The following SRGAP3 variants were observed in gnomAD, a reference collection of about 807,000 sequenced individuals.
The protein encoded by SRGAP3 is SLIT-ROBO Rho GTPase activating protein 3.
SRGAP3 carries 39 observed loss-of-function variants against 121.1 expected under a neutral mutation model. The ratio of observed to expected loss-of-function variants is 0.32; its 90% CI spans 0.25 to 0.42. SRGAP3 has a LOEUF of 0.42. Ranked by LOEUF, SRGAP3 falls within the 10% of genes least tolerant of loss-of-function variation. The pLI is 1.00. For synonymous variants in SRGAP3, 601 were observed against 570.0 expected (o/e 1.05, Z -0.77); for missense variants, 1,213 against 1,470.6 (o/e 0.82, Z 2.86).
chr3:9,350,732 C>G (rs1226057486), intron 1 of SRGAP3, among the ~76,000 whole-genome samples: 1 of 152,266 alleles, frequency 6.6e-6, no homozygotes, highest in African/African-American at 2.4e-5. Flanking sequence ...ACATGTAACT[C>G]TTCTTTCTTC....
rs76957770 is a variant in SRGAP3 at position 8,982,841 on chromosome 3, GA to G, written c.*2677del. On this transcript the variant is annotated 3_prime_UTR_variant, in exon 22 of 22. Coordinates refer to ENST00000383836, the MANE Select transcript of SRGAP3 (RefSeq NM_014850.4). ...TGAACTCATCAGCCATTTCCCAATG[GA>G]AAAAAAAAAAAAAGGTGCTTAAAGA... 0.37 allele frequency: 70,854 copies of G among 192,514 alleles called. 8,662 individuals carry two copies. Among genetic ancestry groups the G allele is most frequent in the East Asian group, 0.43 (5,408 of 12,618 alleles). 11.9% of individuals were successfully genotyped at this position (192,514 alleles called of 1,614,324 possible).
chr3:9,175,791 G>C (rs1489214307), intron 1 of SRGAP3, among the ~76,000 whole-genome samples: 1 of 152,188 alleles, frequency 6.6e-6, no homozygotes, highest in South Asian at 2.1e-4. Flanking sequence ...GCTTCTACAT[G>C]TTTAGAGAGA....
chr3:9,197,406 C>G (rs1286989802), intron 1 of SRGAP3, among the ~76,000 whole-genome samples: 2 of 152,234 alleles, frequency 1.3e-5, no homozygotes, highest in Admixed American at 1.3e-4. Flanking sequence ...CTGTGGATCT[C>G]CAGCCTCCTT....
intron 1 of SRGAP3, among the ~76,000 whole-genome samples, chr3:9,358,844 G>A (rs1298223149): frequency 6.6e-6 from 1 of 152,182 alleles, no homozygotes; most frequent in Non-Finnish European, 1.5e-5. Flanking sequence ...TAGGGCAAGG[G>A]ATAGGGGAAA....
intron 1 of SRGAP3, among the ~76,000 whole-genome samples, chr3:9,145,205 C>T (rs1949984195): frequency 6.6e-6 from 1 of 152,216 alleles, no homozygotes; most frequent in Non-Finnish European, 1.5e-5. Flanking sequence ...AAGCGATTCT[C>T]CTACCTCAGC....
chr3:9,331,273 C>A (rs1010801328), intron 1 of SRGAP3, among the ~76,000 whole-genome samples: 2 of 152,184 alleles, frequency 1.3e-5, no homozygotes, highest in Non-Finnish European at 2.9e-5. Flanking sequence ...AAAGCACTTT[C>A]CACACATTCC....
chr3:9,154,406 A>G (rs1030676589), intron 1 of SRGAP3, among the ~76,000 whole-genome samples: 1 of 151,954 alleles, frequency 6.6e-6, no homozygotes, highest in Non-Finnish European at 1.5e-5. Flanking sequence ...AGACTCAAAT[A>G]TCTCAGCCCC....
intron 1 of SRGAP3, among the ~76,000 whole-genome samples, chr3:9,236,586 C>A (rs4485703): frequency 1.4e-4 from 22 of 151,960 alleles, no homozygotes; most frequent in African/African-American, 3.1e-4. Context: ...ACTTCCCCCC[C>A]CCTCTTCTTC....
rs773518829 is a variant in SRGAP3 at position 9,056,216 on chromosome 3, C to T, written c.1125+17G>A. 6.2e-7 allele frequency: 1 copy of T among 1,612,080 alleles called. No homozygotes were observed. ...CTTCCAAAGAAAATCCCTTATAGGG[C>T]AGAGGGGCTCACTCACCTCCTCATT... On this transcript the variant is annotated intron_variant, in intron 8 of 21. Coordinates refer to ENST00000383836, the MANE Select transcript of SRGAP3 (RefSeq NM_014850.4).
chr3:9,178,086 G>A (rs1951244200), intron 1 of SRGAP3, among the ~76,000 whole-genome samples: 1 of 152,086 alleles, frequency 6.6e-6, no homozygotes, highest in African/African-American at 2.4e-5. Context: ...TAGGAAACAT[G>A]GTGAAACCCT....
chr3:9,081,057 T>G (rs1290726667), intron 3 of SRGAP3, among the ~76,000 whole-genome samples: 1 of 152,174 alleles, frequency 6.6e-6, no homozygotes, highest in East Asian at 1.9e-4. Flanking sequence ...GCAAAAAAGG[T>G]TGGGGACCAC....
At position 8,985,763 on chromosome 3, in the gene SRGAP3, C is replaced by T. The variant is rs754839669; in HGVS notation, c.3056G>A (p.Arg1019His). The part of the protein sequence containing the change: ...PASPLHTIVI[R>H]DPDAAMRRSS... ...GCGGCGCATGGCGGCATCGGGGTCG[C>T]GGATGACGATGGTGTGAAGGGGACT... Residue 1019 changes from arginine to histidine, a missense_variant, in exon 22 of 22, where the codon CGC becomes CAC. Transcript: ENST00000383836. This position sits in a 1 kb window ranked among gnomAD's most constrained non-coding sequence, Gnocchi z 5.1. 3 of 1,599,530 alleles carry T rather than the reference C, an allele frequency of 1.9e-6. No individual in the cohort carries two copies. The highest frequency in any genetic ancestry group is 2.5e-6 in the Non-Finnish European group (3 of 1,179,736).
rs144629139 is a variant in SRGAP3 at position 9,026,249 on chromosome 3, C to T, written c.1600+686G>A. Among the ~76,000 whole-genome samples, 326 of 152,358 alleles carry T rather than the reference C, an allele frequency of 2.1e-3. 1 individual carries two copies. Among genetic ancestry groups the T allele is most frequent in the African/African-American group, 7.6e-3 (315 of 41,574 alleles). ...CTCTCCTTTCCAGCCATTCTCTATC[C>T]TCTTTAAATTAGTTTCATGGCATTT... On this transcript the variant is annotated intron_variant, in intron 13 of 21. Transcript: ENST00000383836.
chr3:9,069,467 C>G (rs1466540635), intron 4 of SRGAP3, among the ~76,000 whole-genome samples: 1 of 152,104 alleles, frequency 6.6e-6, no homozygotes, highest in South Asian at 2.1e-4. Context: ...CCACTTGATG[C>G]CAGGGAAGGG....
chr3:9,326,113 G>A (rs1955513269), exon 3 of SRGAP3: 1 of 151,962 alleles, frequency 6.6e-6, no homozygotes, highest in Non-Finnish European at 1.5e-5. Context: ...TTGCTGTGGT[G>A]TGGATGGTAA....
intron 1 of SRGAP3, among the ~76,000 whole-genome samples, chr3:9,150,746 G>GA (rs201326708): frequency 3.3e-5 from 5 of 150,766 alleles, no homozygotes; most frequent in Middle Eastern, 3.4e-3. Flanking sequence ...CTCTATGAAG[G>GA]AAAAAAAAAG....
Position 9,205,976 on chromosome 3 carries a change from G to A in SRGAP3, c.67+42909C>T, listed in dbSNP as rs540214097. Among the ~76,000 whole-genome samples the A allele has an allele frequency of 1.6e-4, 25 of 152,250 alleles. No individual in the cohort carries two copies. The South Asian group carries it at 3.9e-3, about 24-fold the overall frequency. On this transcript the variant is annotated intron_variant, in intron 1 of 21. Transcript: ENST00000383836. ...TAGGAGTTGCTAGGGGGTTGGGGAG[G>A]AGAAGGGGAACTAGTATTTAATGGG...
rs556300280 is a variant in SRGAP3 at position 9,068,973 on chromosome 3, A to G, written c.487-4392T>C. 5.3e-5 allele frequency among the ~76,000 whole-genome samples: 8 copies of G among 152,292 alleles called. No homozygotes were observed. The South Asian group carries it at 1.5e-3, about 28-fold the overall frequency. On this transcript the variant is annotated intron_variant, in intron 4 of 21. Transcript: ENST00000383836. ...CTCATTTATTTCTCAAAAAAACCCT[A>G]TGAGATAGGCATCCTATGATCCCTG... is the stretch of plus-strand genomic sequence containing the variant.
At chr3:9,152,575 G>A (rs969264232) in intron 1 of SRGAP3, among the ~76,000 whole-genome samples, 3 of 152,244 alleles carry the variant, frequency 2.0e-5, no homozygotes, top group Non-Finnish European at 4.4e-5. Context: ...GGAGAGTGGA[G>A]CAGACAGAAG....
Sources: gnomAD v4.1 joint callset for allele counts (sites outside exome capture counted in the v4.1 genomes callset) on GRCh38, gnomAD v4.1.1 for gene constraint, Gnocchi (gnomAD v3.1) non-coding constraint, MANE v1.5 for transcripts, NCBI Gene and HGNC (gene_info 2026-07-23, HGNC 2026-07-21) for gene names.